NEXMIF: variants seen among roughly 807,000 people sequenced by gnomAD.
The protein encoded by NEXMIF is XLMR protein related to neurite extension.
NEXMIF carries 8 observed loss-of-function variants against 62.1 expected under a neutral mutation model. The ratio of observed to expected loss-of-function variants is 0.13; its 90% CI spans 0.08 to 0.23. NEXMIF has a LOEUF of 0.23. NEXMIF is among the 10% of genes least tolerant of loss of function. The pLI is 1.00. For missense variants in NEXMIF, 976 were observed against 1,113.3 expected, an observed-to-expected ratio of 0.88 and a Z score of 1.75; for synonymous variants, 404 against 416.6, an observed-to-expected ratio of 0.97 and a Z score of 0.37.
chrX:74,873,270 T>G (rs1423028107), intron 1 of NEXMIF, among the ~76,000 whole-genome samples: 2 of 111,547 alleles, frequency 1.8e-5, no homozygotes, highest in Non-Finnish European at 3.8e-5. Flanking sequence ...GATAGTTTAC[T>G]GAGAATGATG....
At chrX:74,840,142 G>C (rs1450893286) in intron 1 of NEXMIF, among the ~76,000 whole-genome samples, 3 of 111,875 alleles carry the variant, frequency 2.7e-5, no homozygotes, top group African/African-American at 9.7e-5. Flanking sequence ...TTGTGGTTTT[G>C]ATTTGCATAT....
At chrX:74,793,465 C>G (rs1431355394) in intron 1 of NEXMIF, among the ~76,000 whole-genome samples, 1 of 110,158 alleles carries the variant, frequency 9.1e-6, no homozygotes, top group Non-Finnish European at 1.9e-5. Flanking sequence ...TGGAGTTGCT[C>G]TTCTCGAGGA....
At chrX:74,886,996 C>T (rs913358917) in intron 1 of NEXMIF, among the ~76,000 whole-genome samples, 4 of 111,510 alleles carry the variant, frequency 3.6e-5, no homozygotes, top group East Asian at 2.8e-4. Flanking sequence ...AATAATGCCG[C>T]GTATGTACAA....
chrX:74,835,610 C>A (rs897992460), intron 1 of NEXMIF, among the ~76,000 whole-genome samples: 1 of 111,285 alleles, frequency 9.0e-6, no homozygotes, highest in African/African-American at 3.3e-5. Flanking sequence ...TCCCTACTTT[C>A]TCACAAACAG....
At chrX:74,782,659 C>T (rs1195677591) in intron 1 of NEXMIF, among the ~76,000 whole-genome samples, 2 of 112,092 alleles carry the variant, frequency 1.8e-5, no homozygotes, top group African/African-American at 6.5e-5. Flanking sequence ...TTCTTCCTCC[C>T]ACCCTCTTTA....
At chrX:74,794,354 C>T (rs988374118) in intron 1 of NEXMIF, among the ~76,000 whole-genome samples, 4 of 105,642 alleles carry the variant, frequency 3.8e-5, no homozygotes, top group African/African-American at 1.4e-4. Context: ...CAGCTGCGTG[C>T]TGGGAGAACC....
At chrX:74,776,255 A>C (rs1026482326) in intron 1 of NEXMIF, among the ~76,000 whole-genome samples, 1 of 111,982 alleles carries the variant, frequency 8.9e-6, no homozygotes, top group Non-Finnish European at 1.9e-5. Flanking sequence ...GGTGAATGGC[A>C]ATAAACAGCT....
intron 1 of NEXMIF, among the ~76,000 whole-genome samples, chrX:74,782,960 C>T (rs547513506): frequency 5.4e-5 from 6 of 111,697 alleles, no homozygotes; most frequent in African/African-American, 1.9e-4. Flanking sequence ...TGTTTGTTTT[C>T]TATTCTATTT....
chrX:74,907,341 C>CG lies in NEXMIF; in HGVS notation c.-48+17541_-48+17542insC, dbSNP rs940331948. On this transcript the variant is annotated intron_variant, in intron 1 of 3. Transcript: ENST00000055682. ...GTGTTCAGAAGCAAGAGCACCCCCC[C>CG]CCCCGCCCCTTACCTCACTGTTCAA... Among the ~76,000 whole-genome samples the CG allele has an allele frequency of 4.4e-5, 3 of 67,990 alleles. No individual in the cohort carries two copies. In the Admixed American group the frequency reaches 5.2e-4, roughly 12 times the overall value. The allele number at this position is 67,990 out of a possible 115,157, so 59.0% of individuals were successfully genotyped here.
intron 1 of NEXMIF, among the ~76,000 whole-genome samples, chrX:74,861,593 G>A (rs927587078): frequency 9.0e-6 from 1 of 111,529 alleles, no homozygotes; most frequent in Non-Finnish European, 1.9e-5. Context: ...GGCAGTCAGA[G>A]AGAAAGGCCA....
chrX:74,915,848 A>G (rs2080804773), intron 1 of NEXMIF, among the ~76,000 whole-genome samples: 1 of 111,576 alleles, frequency 9.0e-6, no homozygotes, highest in Non-Finnish European at 1.9e-5. Context: ...GTCTCCACCC[A>G]GAGACCCCAG....
At chrX:74,748,672 G>A (rs894933492) in intron 1 of NEXMIF, among the ~76,000 whole-genome samples, 4 of 111,983 alleles carry the variant, frequency 3.6e-5, no homozygotes, top group Non-Finnish European at 7.5e-5. Context: ...GCAAGGAAAT[G>A]CTCCATTAGA....
intron 1 of NEXMIF, among the ~76,000 whole-genome samples, chrX:74,749,460 G>A (rs937208467): frequency 4.5e-5 from 5 of 110,772 alleles, no homozygotes; most frequent in African/African-American, 1.6e-4. Flanking sequence ...TTCTCCAGTT[G>A]TATCCTCTTT....
In NEXMIF at chrX:74,744,209, A is replaced by T. The variant is rs769334665; in HGVS notation, c.348T>A (p.Asn116Lys). 2 of 1,209,381 alleles carry T rather than the reference A, an allele frequency of 1.7e-6. No homozygotes were observed. The highest frequency in any genetic ancestry group is 5.9e-5 in the East Asian group (2 of 33,735). Reference sequence around the variant, plus strand: ...TGGCAAATGGAGCTTTCTCACATTCATTGGGAAGTGACCATGTGTTCAGGC... The same window carrying T: ...TGGCAAATGGAGCTTTCTCACATTCTTTGGGAAGTGACCATGTGTTCAGGC... ...AKGLNTWSLP[N>K]ECEKAPFAIM... Residue 116 changes from asparagine to lysine, a missense_variant, in exon 3 of 4, where the codon AAT becomes AAA. Asn to Lys is a moderately conservative substitution (Grantham distance 94). This residue lies in a region of NEXMIF where 126 missense variants were observed against 146.5 expected (regional missense o/e 0.86). Coordinates refer to ENST00000055682, the MANE Select transcript of NEXMIF (RefSeq NM_001008537.3).
chrX:74,793,453 C>G (rs1200993686), intron 1 of NEXMIF, among the ~76,000 whole-genome samples: 1 of 109,697 alleles, frequency 9.1e-6, no homozygotes, highest in Non-Finnish European at 1.9e-5. Context: ...AATTATGTGT[C>G]TTGGAGTTGC....
At chrX:74,909,569 G>C (rs181083524) in intron 1 of NEXMIF, among the ~76,000 whole-genome samples, 1 of 111,859 alleles carries the variant, frequency 8.9e-6, no homozygotes, top group African/African-American at 3.2e-5. Flanking sequence ...CAGTAAAAAA[G>C]AAAAACCCAC....
chrX:74,790,566 C>A (rs1192626715), intron 1 of NEXMIF, among the ~76,000 whole-genome samples: 1 of 112,563 alleles, frequency 8.9e-6, no homozygotes, highest in Non-Finnish European at 1.9e-5. Flanking sequence ...TTACCTTGGG[C>A]AGTATGGCCA....
At chrX:74,816,916 T>C (rs2080377871) in intron 1 of NEXMIF, among the ~76,000 whole-genome samples, 1 of 112,387 alleles carries the variant, frequency 8.9e-6, no homozygotes, top group Non-Finnish European at 1.9e-5. Flanking sequence ...TAGTAACATA[T>C]TAAGAAGCAT....
intron 1 of NEXMIF, among the ~76,000 whole-genome samples, chrX:74,924,632 G>C (rs1322136922): frequency 8.8e-6 from 1 of 113,533 alleles, no homozygotes; most frequent in Non-Finnish European, 1.9e-5. Flanking sequence ...CCCTTCCTAC[G>C]GCGCAAGCAC....
Sources: gnomAD v4.1 joint callset for allele counts (sites outside exome capture counted in the v4.1 genomes callset) on GRCh38, gnomAD v4.1.1 for gene constraint, gnomAD v4.1.1 regional missense constraint, MANE v1.5 for transcripts, NCBI Gene and HGNC (gene_info 2026-07-23, HGNC 2026-07-21) for gene names.